SCAI: variants seen among roughly 807,000 people sequenced by gnomAD.
The protein encoded by SCAI is protein SCAI.
In SCAI, 24 loss-of-function variants were observed where a neutral mutation model predicts 92.2. The observed-to-expected ratio is 0.26, with a 90% CI of 0.19 to 0.37. SCAI has a LOEUF of 0.37. SCAI is among the 10% of genes least tolerant of loss of function. The probability of loss-of-function intolerance (pLI) is 1.00; values close to 1 mark genes in which losing one functional copy is unlikely to be tolerated. For synonymous variants in SCAI, 261 were observed against 258.6 expected (o/e 1.01, Z -0.09); for missense variants, 450 against 736.2 (o/e 0.61, Z 4.50).
At chr9:125,136,910 G>A (rs1390961894) in intron 2 of SCAI, among the ~76,000 whole-genome samples, 4 of 151,592 alleles carry the variant, frequency 2.6e-5, no homozygotes, top group Admixed American at 6.6e-5. Context: ...ACAGGCATGC[G>A]CCATTGTGCC....
intron 17 of SCAI, among the ~76,000 whole-genome samples, chr9:124,953,693 G>A (rs985626120): frequency 1.1e-4 from 17 of 152,196 alleles, no homozygotes; most frequent in Admixed American, 5.2e-4. Context: ...GATTACAGGC[G>A]TGAGCCACCG....
chr9:125,143,395 G>A lies in SCAI; in HGVS notation c.43C>T (p.Leu15=), dbSNP rs1051143203. 1.4e-6 allele frequency: 2 copies of A among 1,389,888 alleles called. No individual in the cohort carries two copies. Among genetic ancestry groups the A allele is most frequent in the Non-Finnish European group, 1.9e-6 (2 of 1,070,170 alleles). 86.1% of individuals were successfully genotyped at this position (1,389,888 alleles called of 1,614,324 possible). A position where few individuals can be genotyped will look rare whatever the true frequency, so the allele number is the denominator to read the frequency against. The change falls in exon 1 of 18, where the codon CTG becomes TTG. Residue 15 remains leucine, a synonymous_variant. Coordinates refer to ENST00000336505, the MANE Select transcript of SCAI (RefSeq NM_001144877.3). Reference sequence around the variant, plus strand: ...ACCCAGCCCCCGCACCTGGGGGCCAGGCGACTCCGCGGCTGCTGGGGCTGC... The same window carrying A: ...ACCCAGCCCCCGCACCTGGGGGCCAAGCGACTCCGCGGCTGCTGGGGCTGC... ...ARQPQQPRSR[L]APRLTGTVEK... is the part of the protein sequence containing the mutation.
chr9:125,107,534 G>T (rs1013956310), intron 2 of SCAI, among the ~76,000 whole-genome samples: 14 of 152,204 alleles, frequency 9.2e-5, no homozygotes, highest in Non-Finnish European at 1.9e-4. Flanking sequence ...AGGAGGCTGA[G>T]GTGGGAGGAT....
chr9:125,032,193 A>ATTTTTT (rs766382699), intron 3 of SCAI, among the ~76,000 whole-genome samples: 18 of 108,930 alleles, frequency 1.7e-4, no homozygotes, highest in African/African-American at 6.9e-4. Flanking sequence ...ATATATATAT[A>ATTTTTT]TATTTTTTTT....
intron 2 of SCAI, among the ~76,000 whole-genome samples, chr9:125,075,158 G>A (rs1477443051): frequency 1.1e-4 from 16 of 152,074 alleles, no homozygotes; most frequent in Non-Finnish European, 1.5e-4. Flanking sequence ...ATCTGGAGAC[G>A]GATGTAAGGA....
At chr9:125,052,850 G>A (rs1213023953) in intron 3 of SCAI, among the ~76,000 whole-genome samples, 1 of 142,020 alleles carries the variant, frequency 7.0e-6, no homozygotes, top group Admixed American at 7.1e-5. Context: ...CCCAACATTA[G>A]GGAAATTCAA....
chr9:125,038,224 T>C (rs1041086787), intron 3 of SCAI, among the ~76,000 whole-genome samples: 2 of 152,122 alleles, frequency 1.3e-5, no homozygotes, highest in African/African-American at 4.8e-5. Context: ...GCCACTGCAG[T>C]CCAACAAGAC....
chr9:124,971,345 G>C (rs541979358), intron 17 of SCAI, 25 bp downstream of exon 17: 2 of 1,345,230 alleles, frequency 1.5e-6, no homozygotes, highest in Admixed American at 3.9e-5. Flanking sequence ...GATAAAATTC[G>C]TCTTTAATAA....
At chr9:125,121,930 A>C (rs964926913) in intron 2 of SCAI, among the ~76,000 whole-genome samples, 3 of 152,256 alleles carry the variant, frequency 2.0e-5, no homozygotes, top group Non-Finnish European at 2.9e-5. Context: ...TTTATCATCT[A>C]GTTATTGAAA....
At chr9:125,042,211 A>C (rs1833329198) in intron 3 of SCAI, among the ~76,000 whole-genome samples, 1 of 152,208 alleles carries the variant, frequency 6.6e-6, no homozygotes, top group Non-Finnish European at 1.5e-5. Context: ...TTTGGAGGAA[A>C]GTAAAAGTAT....
rs1588263359 is a variant in SCAI, at chr9:125,143,494, G to C, written c.-57C>G. On this transcript the variant is annotated 5_prime_UTR_variant, in exon 1 of 18. Coordinates refer to ENST00000336505, the MANE Select transcript of SCAI (RefSeq NM_001144877.3). ...GGCGGCCGCAGGGCTCGCTCGGGAA[G>C]CTGAGGCGGCGGAGGCTGGAGTAGG... The C allele has an allele frequency of 6.1e-6, 8 of 1,301,568 alleles. No individual in the cohort carries two copies. The East Asian group carries it at 2.5e-4, about 41-fold the overall frequency. 80.6% of individuals were successfully genotyped at this position (1,301,568 alleles called of 1,614,324 possible). A position where few individuals can be genotyped will look rare whatever the true frequency, so the allele number is the denominator to read the frequency against.
intron 2 of SCAI, among the ~76,000 whole-genome samples, chr9:125,115,132 G>A (rs1835013052): frequency 6.6e-6 from 1 of 151,940 alleles, no homozygotes; most frequent in Non-Finnish European, 1.5e-5. Context: ...CAGCACTTCA[G>A]GAGGCCGAGG....
At chr9:125,079,039 A>T (rs1834153430) in intron 2 of SCAI, among the ~76,000 whole-genome samples, 1 of 151,936 alleles carries the variant, frequency 6.6e-6, no homozygotes, top group African/African-American at 2.4e-5. Context: ...ATCTATTTTG[A>T]TAATAGTTTC....
In SCAI at chr9:124,989,878, C is replaced by T. The variant is rs549153470; in HGVS notation, c.1326+5056G>A. ...AGTCTGGCTGACAGACTGCATCTCA[C>T]ACACACACAAAAAAGGCCAGGCACG... is the stretch of plus-strand genomic sequence containing the variant. On this transcript the variant is annotated intron_variant, in intron 14 of 17. Transcript: ENST00000336505. 4.0e-4 allele frequency among the ~76,000 whole-genome samples: 46 copies of T among 115,946 alleles called. No individual in the cohort carries two copies. In the South Asian group the frequency reaches 9.8e-3, roughly 25 times the overall value. The allele number at this position is 115,946 out of a possible 152,430, so 76.1% of individuals were successfully genotyped here. A position where few individuals can be genotyped will look rare whatever the true frequency, so the allele number is the denominator to read the frequency against.
At chr9:125,118,863 C>A (rs6478695) in intron 2 of SCAI, among the ~76,000 whole-genome samples, 13 of 152,006 alleles carry the variant, frequency 8.6e-5, no homozygotes, top group Non-Finnish European at 1.3e-4. Flanking sequence ...ATCCATGTCC[C>A]TGCAAAGGAC....
intron 2 of SCAI, among the ~76,000 whole-genome samples, chr9:125,081,664 C>A (rs620529): frequency 0.23 from 35,499 of 151,950 alleles, 4,632 homozygotes; most frequent in Non-Finnish European, 0.3. Flanking sequence ...CCTCTGCCTC[C>A]CAAGTTCAAG....
chr9:124,968,330 G>C, intron 17 of SCAI: 1 of 1,228,260 alleles, frequency 8.1e-7, no homozygotes, highest in Non-Finnish European at 1.2e-6. Context: ...AGGAAGACAA[G>C]TCCAGTTTGG....
intron 3 of SCAI, among the ~76,000 whole-genome samples, chr9:125,055,082 C>T (rs376157644): frequency 9.9e-5 from 15 of 152,128 alleles, no homozygotes; most frequent in African/African-American, 3.1e-4. Context: ...TGCCAGTATA[C>T]GTCCAAACCT....
At chr9:125,037,928 A>T (rs1648528893) in intron 3 of SCAI, among the ~76,000 whole-genome samples, 2 of 151,778 alleles carry the variant, frequency 1.3e-5, no homozygotes, top group African/African-American at 2.4e-5. Context: ...GGAAAAAAAA[A>T]AGAATTACTT....
Sources: allele counts gnomAD v4.1 joint callset (sites outside exome capture counted in the v4.1 genomes callset), GRCh38; gene constraint gnomAD v4.1.1; transcripts MANE v1.5; gene names NCBI Gene and HGNC (gene_info 2026-07-23, HGNC 2026-07-21).